The following KLHL3 variants were observed in gnomAD, a reference collection of about 807,000 sequenced individuals.
KLHL3 encodes the protein kelch like family member 3.
KLHL3 carries 19 observed loss-of-function variants against 70.5 expected under a neutral mutation model. That is an observed-to-expected ratio of 0.27 (90% CI 0.19 to 0.40). The LOEUF is 0.40. Ranked by LOEUF, KLHL3 falls within the 10% of genes least tolerant of loss-of-function variation. KLHL3 has a pLI of 1.00. For synonymous variants in KLHL3, 258 were observed against 290.3 expected, an observed-to-expected ratio of 0.89 and a Z score of 1.13; for missense variants, 512 against 771.1, an observed-to-expected ratio of 0.66 and a Z score of 3.98.
rs529154296 is a variant in KLHL3 at position 137,686,611 on chromosome 5, T to C, written c.526+5674A>G. 1.2e-4 allele frequency among the ~76,000 whole-genome samples: 18 copies of C among 152,252 alleles called. No individual in the cohort carries two copies. The South Asian group carries it at 3.3e-3, about 28-fold the overall frequency. The stretch of plus-strand genomic sequence containing the variant: ...CAATGCTTTCCCTTGTGTGTGACCC[T>C]AGTGGGTGCCTGCACCCCTGCACTT... On this transcript the variant is annotated intron_variant, in intron 5 of 14. Coordinates refer to ENST00000309755, the MANE Select transcript of KLHL3 (RefSeq NM_017415.3).
chr5:137,658,498 T>C (rs1226667894), intron 7 of KLHL3, among the ~76,000 whole-genome samples: 1 of 152,158 alleles, frequency 6.6e-6, no homozygotes, highest in Non-Finnish European at 1.5e-5. Flanking sequence ...ATCCACTACT[T>C]AACGTCTCTG....
chr5:137,698,852 A>G (rs1017869891), intron 3 of KLHL3, among the ~76,000 whole-genome samples: 5 of 152,266 alleles, frequency 3.3e-5, no homozygotes, highest in Non-Finnish European at 5.9e-5. Context: ...TTGTGATAAC[A>G]ACAATAATAA....
intron 1 of KLHL3, among the ~76,000 whole-genome samples, chr5:137,727,679 T>C (rs545802708): frequency 1.3e-5 from 2 of 152,174 alleles, no homozygotes; most frequent in Non-Finnish European, 2.9e-5. Flanking sequence ...GCCTCTTCCC[T>C]GAAGCCTTCC....
chr5:137,633,109 A>T (rs4324672), intron 12 of KLHL3, among the ~76,000 whole-genome samples: 149,419 of 151,844 alleles, frequency 0.98, 73,558 homozygotes, highest in East Asian at 1. Flanking sequence ...TGAAACCCCA[A>T]CTCTACTACA....
At position 137,720,477 on chromosome 5, in the gene KLHL3, T is replaced by C; in HGVS notation, c.122A>G (p.Asn41Ser). The change falls in exon 2 of 15, where the codon AAT (asparagine) becomes AGT (serine). Residue 41 changes from asparagine (N) to serine (S), a missense_variant. By Grantham distance (46) the Asn-to-Ser change is conservative. Transcript: ENST00000309755. ...ATAGAAAAAGTACCTCCGCAGTTCATTCATAACCTTGAATGCTTTCCCCAT... is the reference window on the plus strand; with the variant it reads ...ATAGAAAAAGTACCTCCGCAGTTCACTCATAACCTTGAATGCTTTCCCCAT... ...AHMGKAFKVM[N>S]ELRSKQLLCD... The C allele has an allele frequency of 3.1e-6, 5 of 1,614,126 alleles. No individual in the cohort carries two copies. The highest frequency in any genetic ancestry group is 1.3e-5 in the African/African-American group (1 of 75,042).
intron 5 of KLHL3, among the ~76,000 whole-genome samples, chr5:137,690,219 C>A (rs565210214): frequency 1.3e-5 from 2 of 151,516 alleles, no homozygotes; most frequent in Non-Finnish European, 2.9e-5. Flanking sequence ...CCCAGCTACT[C>A]GGGAGGCTGA....
intron 8 of KLHL3, among the ~76,000 whole-genome samples, chr5:137,642,606 T>A (rs780830949): frequency 6.6e-6 from 1 of 152,204 alleles, no homozygotes; most frequent in African/African-American, 2.4e-5. Flanking sequence ...GAATAAAGAA[T>A]ACATGAATAA....
Position 137,634,158 on chromosome 5 carries a change from T to C in KLHL3, c.1329A>G (p.Leu443=), listed in dbSNP as rs1750711172. 1.9e-6 allele frequency: 3 copies of C among 1,609,028 alleles called. No homozygotes were observed. Among genetic ancestry groups the C allele is most frequent in the Admixed American group, 1.7e-5 (1 of 59,582 alleles). ...CTCCATCATAACCCCCAACAGCATATAGCTTCCCTGCAATAGACAAAGTGG... is the reference window on the plus strand; with the variant it reads ...CTCCATCATAACCCCCAACAGCATACAGCTTCCCTGCAATAGACAAAGTGG... ...SVGVGVVEGK[L]YAVGGYDGAS... Residue 443 remains leucine, a synonymous_variant, in exon 12 of 15, where the codon CTA becomes CTG. Coordinates refer to ENST00000309755, the MANE Select transcript of KLHL3 (RefSeq NM_017415.3).
chr5:137,735,693 T>C lies in KLHL3; in HGVS notation c.-47A>G. Reference sequence around the variant, plus strand: ...GGTAGCTGCTGAACTGTGTATGCACTCGGGGATCCTAGTTCTGTTCTTGAT... The same window carrying C: ...GGTAGCTGCTGAACTGTGTATGCACCCGGGGATCCTAGTTCTGTTCTTGAT... On this transcript the variant is annotated 5_prime_UTR_variant, in exon 1 of 15. Coordinates refer to ENST00000309755, the MANE Select transcript of KLHL3 (RefSeq NM_017415.3). 1.1e-5 allele frequency: 18 copies of C among 1,614,058 alleles called. No individual in the cohort carries two copies. Among genetic ancestry groups the C allele is most frequent in the Non-Finnish European group, 1.5e-5 (18 of 1,179,900 alleles).
Position 137,639,065 on chromosome 5 carries a change from G to A in KLHL3, c.1107C>T (p.Gly369=), listed in dbSNP as rs779116761. Residue 369 remains glycine, a synonymous_variant, in exon 10 of 15, where the codon GGC becomes GGT. Coordinates refer to ENST00000309755, the MANE Select transcript of KLHL3 (RefSeq NM_017415.3). The surrounding 1 kb of genome is among the most constrained non-coding windows in gnomAD (Gnocchi z 5.0). ...LRVRTVDVYD[G]VKDQWTSIAS... ...CAATGGACGTCCACTGGTCCTTCAC[G>A]CCGTCATACACATCCACTGTCCGCA... 52 of 1,613,904 alleles carry A rather than the reference G, an allele frequency of 3.2e-5. No individual in the cohort carries two copies. Among genetic ancestry groups the A allele is most frequent in the African/African-American group, 2.1e-4 (16 of 74,888 alleles).
chr5:137,622,091 G>T lies in KLHL3; in HGVS notation c.*7C>A. The stretch of plus-strand genomic sequence containing the variant: ...CTTCCTCCACCTCCTGGCAGTAGGA[G>T]TTTGGGTCACAAGGACTTGTGAATC... On this transcript the variant is annotated 3_prime_UTR_variant, in exon 15 of 15. Coordinates refer to ENST00000309755, the MANE Select transcript of KLHL3 (RefSeq NM_017415.3). The T allele has an allele frequency of 2.5e-6, 4 of 1,614,196 alleles. No individual in the cohort carries two copies. Among genetic ancestry groups the T allele is most frequent in the Non-Finnish European group, 3.4e-6 (4 of 1,180,006 alleles).
intron 13 of KLHL3, chr5:137,628,030 G>C (rs1295761038): frequency 2.2e-6 from 1 of 463,652 alleles, no homozygotes; most frequent in Non-Finnish European, 3.9e-6. Flanking sequence ...CCAGGTCTGT[G>C]CTCATCTGTG....
rs924851680 is a variant in KLHL3 at position 137,692,172 on chromosome 5, C to T, written c.526+113G>A. On this transcript the variant is annotated intron_variant, in intron 5 of 14. Coordinates refer to ENST00000309755, the MANE Select transcript of KLHL3 (RefSeq NM_017415.3). ...TTTCCACCTGTATCCCTAACTAAAT[C>T]ATAGCTGCTTCACAGCAGAGACCAC... The T allele has an allele frequency of 3.3e-6, 3 of 920,010 alleles. No individual in the cohort carries two copies. The African/African-American group carries it at 5.0e-5, about 15-fold the overall frequency. 57.0% of individuals were successfully genotyped at this position (920,010 alleles called of 1,614,324 possible).
intron 14 of KLHL3, among the ~76,000 whole-genome samples, chr5:137,623,342 AC>A (rs1244016868): frequency 6.6e-6 from 1 of 152,170 alleles, no homozygotes; most frequent in Non-Finnish European, 1.5e-5. Flanking sequence ...AAGCCAGGAT[AC>A]CCCACTGGAG....
chr5:137,622,019 C>T lies in KLHL3; in HGVS notation c.*79G>A. On this transcript the variant is annotated 3_prime_UTR_variant, in exon 15 of 15. Coordinates refer to ENST00000309755, the MANE Select transcript of KLHL3 (RefSeq NM_017415.3). ...ACAGACCCTCCCAAGCAAGTTGAAT[C>T]CAGTCACCAAGGTCCTGCTGTTCAG... 1.3e-6 allele frequency: 2 copies of T among 1,482,992 alleles called. No individual in the cohort carries two copies. Among genetic ancestry groups the T allele is most frequent in the South Asian group, 1.1e-5 (1 of 88,304 alleles). 91.9% of individuals were successfully genotyped at this position (1,482,992 alleles called of 1,614,324 possible). A position where few individuals can be genotyped will look rare whatever the true frequency, so the allele number is the denominator to read the frequency against.
chr5:137,726,917 A>T (rs1458157125), intron 1 of KLHL3, among the ~76,000 whole-genome samples: 1 of 152,164 alleles, frequency 6.6e-6, no homozygotes, highest in East Asian at 1.9e-4. Flanking sequence ...TACATAAAAT[A>T]GTAATTATAA....
chr5:137,625,698 T>A, intron 14 of KLHL3, 55 bp downstream of exon 14: 5 of 1,597,158 alleles, frequency 3.1e-6, no homozygotes, highest in Non-Finnish European at 4.3e-6. Flanking sequence ...CCAACCCTCA[T>A]TCCCCCAGTG....
At chr5:137,728,119 A>G (rs1197669742) in intron 1 of KLHL3, among the ~76,000 whole-genome samples, 1 of 152,204 alleles carries the variant, frequency 6.6e-6, no homozygotes, top group Non-Finnish European at 1.5e-5. Context: ...ATTCATTTTT[A>G]ATATAATTTA....
At chr5:137,650,924 C>G (rs1561590988) in intron 8 of KLHL3, among the ~76,000 whole-genome samples, 2 of 151,944 alleles carry the variant, frequency 1.3e-5, no homozygotes, top group Non-Finnish European at 2.9e-5. Flanking sequence ...AACAAAGAAC[C>G]TTACAACCCT....
Sources: gnomAD v4.1 joint callset for allele counts (sites outside exome capture counted in the v4.1 genomes callset) on GRCh38, gnomAD v4.1.1 for gene constraint, Gnocchi (gnomAD v3.1) non-coding constraint, MANE v1.5 for transcripts, NCBI Gene and HGNC (gene_info 2026-07-23, HGNC 2026-07-21) for gene names.